Variants in PLA2G4C observed in about 807,000 individuals in gnomAD.
PLA2G4C encodes the protein cytosolic phospholipase A2 gamma.
PLA2G4C carries 64 observed loss-of-function variants against 73.8 expected under a neutral mutation model. The ratio of observed to expected loss-of-function variants is 0.87; its 90% CI spans 0.71 to 1.07. PLA2G4C has a LOEUF of 1.07. PLA2G4C is among the 50% of genes least tolerant of loss of function. PLA2G4C has a pLI of 0.00. For synonymous variants in PLA2G4C, 254 were observed against 252.1 expected, an observed-to-expected ratio of 1.01 and a Z score of -0.07; for missense variants, 622 against 665.4, an observed-to-expected ratio of 0.93 and a Z score of 0.72.
chr19:48,083,691 C>T (rs1288678077), intron 10 of PLA2G4C, among the ~76,000 whole-genome samples: 2 of 151,998 alleles, frequency 1.3e-5, no homozygotes, highest in Non-Finnish European at 2.9e-5. Flanking sequence ...AGGTGATCTG[C>T]CCACCTCAGC....
At position 48,085,079 on chromosome 19, in the gene PLA2G4C, C is replaced by T. The variant is rs1202314237; in HGVS notation, c.824G>A (p.Ser275Asn). ...LWRRAVANAK[S>N]IGHLIFARLL... is the part of the protein sequence containing the mutation. ...CTCACCAAAAATAAGGTGTCCAATG[C>T]TTTTAGCATTAGCAACAGCCCTTCT... is the stretch of plus-strand genomic sequence containing the variant. Residue 275 changes from serine to asparagine, a missense_variant, in exon 10 of 17, where the codon AGC becomes AAC. Physicochemically the swap from Ser to Asn is conservative, Grantham distance 46. Transcript: ENST00000599921. 4.3e-6 allele frequency: 7 copies of T among 1,612,318 alleles called. No individual in the cohort carries two copies. Among genetic ancestry groups the T allele is most frequent in the African/African-American group, 4.0e-5 (3 of 74,886 alleles).
chr19:48,058,001 C>CA (rs5828331), intron 14 of PLA2G4C, among the ~76,000 whole-genome samples: 23 of 149,440 alleles, frequency 1.5e-4, no homozygotes, highest in South Asian at 1.3e-3. Flanking sequence ...CCCAGCTAAT[C>CA]AAAAAAAATT....
Position 48,098,195 on chromosome 19 carries a change from A to G in PLA2G4C, c.512T>C (p.Ile171Thr). The change falls in exon 6 of 17, where the codon ATA (isoleucine) becomes ACA (threonine). Residue 171 changes from isoleucine to threonine, a missense_variant. Transcript: ENST00000599921. ...CAGGTCATTGTCAATGGCTGCAAAT[A>G]TTGGGTAGGGTAGTGTCCCTTCTTC... Reference protein sequence around the residue: ...PVEEGTLPYPIFAAIDNDLQP... With the variant: ...PVEEGTLPYPTFAAIDNDLQP... 1.2e-6 allele frequency: 2 copies of G among 1,613,844 alleles called. No individual in the cohort carries two copies. Among genetic ancestry groups the G allele is most frequent in the Non-Finnish European group, 1.7e-6 (2 of 1,179,888 alleles).
chr19:48,065,590 AAAAT>A lies in PLA2G4C; in HGVS notation c.1102+2197_1102+2200del, dbSNP rs907113389. 1.4e-3 allele frequency among the ~76,000 whole-genome samples: 206 copies of A among 151,982 alleles called. 1 individual carries two copies. Among genetic ancestry groups the A allele is most frequent in the African/African-American group, 4.5e-3 (188 of 41,486 alleles). ...GGGTGACAGAGCGAGACTCCATCGC[AAAAT>A]AAATAAATAAATAAATAAAAATAAT... On this transcript the variant is annotated intron_variant, in intron 13 of 16. Transcript: ENST00000599921.
chr19:48,052,540 C>T (rs1462517511), intron 16 of PLA2G4C, among the ~76,000 whole-genome samples: 3 of 152,052 alleles, frequency 2.0e-5, no homozygotes, highest in Non-Finnish European at 4.4e-5. Flanking sequence ...GTTAAGCCTT[C>T]GGAACTGTGA....
In PLA2G4C at chr19:48,105,941, CCCTCCCTT is replaced by C. The variant is rs1349362734; in HGVS notation, c.9-505_9-498del. On this transcript the variant is annotated intron_variant, in intron 2 of 16. Coordinates refer to ENST00000599921, the MANE Select transcript of PLA2G4C (RefSeq NM_003706.3). ...TCCCTCCCTCCCTCCCTCCCTCCCTCCCTCCCTTCTTTCTTTCTTTCTTTCTTTCTTTC... is the reference window on the plus strand; with the variant it reads ...TCCCTCCCTCCCTCCCTCCCTCCCTCCTTTCTTTCTTTCTTTCTTTCTTTC... 1.5e-3 allele frequency among the ~76,000 whole-genome samples: 15 copies of C among 9,904 alleles called. 2 individuals are homozygous for C. Among genetic ancestry groups the C allele is most frequent in the South Asian group, 0.01 (2 of 200 alleles). 6.5% of individuals were successfully genotyped at this position (9,904 alleles called of 152,430 possible).
In PLA2G4C at chr19:48,068,818, G is replaced by A. The variant is rs111504748; in HGVS notation, c.1007-932C>T. 1.9e-4 allele frequency among the ~76,000 whole-genome samples: 29 copies of A among 151,970 alleles called. 1 individual carries two copies. Among genetic ancestry groups the A allele is most frequent in the Middle Eastern group, 3.4e-3 (1 of 292 alleles). ...AGGAAAGGCTGGGCTGAGAGGATGC[G>A]GTGAGAAGGCGGCCATCCCTCTGCA... On this transcript the variant is annotated intron_variant, in intron 12 of 16. Coordinates refer to ENST00000599921, the MANE Select transcript of PLA2G4C (RefSeq NM_003706.3).
chr19:48,054,966 G>A lies in PLA2G4C; in HGVS notation c.1341C>T (p.Ser447=), dbSNP rs1568421268. 1 of 1,613,770 alleles carries A rather than the reference G, an allele frequency of 6.2e-7. No homozygotes were observed. Among genetic ancestry groups the A allele is most frequent in the African/African-American group, 1.3e-5 (1 of 74,914 alleles). ...GGATGTAGCAGCTGGCGGGGGCCTT[G>A]GACCACAAATCCAGCTCAGCCTCTT... ...QVEEAELDLW[S]KAPASCYILK... is the part of the protein sequence containing the mutation. The change falls in exon 15 of 17, where the codon TCC becomes TCT. Residue 447 remains serine (S), a synonymous_variant. Coordinates refer to ENST00000599921, the MANE Select transcript of PLA2G4C (RefSeq NM_003706.3).
At chr19:48,086,037 C>T (rs754754916) in intron 9 of PLA2G4C, among the ~76,000 whole-genome samples, 5 of 152,206 alleles carry the variant, frequency 3.3e-5, no homozygotes, top group Non-Finnish European at 7.3e-5. Flanking sequence ...AAGAAGCCCC[C>T]AGCTGGGTTT....
intron 6 of PLA2G4C, among the ~76,000 whole-genome samples, chr19:48,097,405 G>A (rs1335757321): frequency 6.7e-4 from 100 of 149,884 alleles, no homozygotes; most frequent in East Asian, 3.7e-3. Flanking sequence ...GGCGCCCGCC[G>A]CCACGCCCAG....
In PLA2G4C at chr19:48,088,599, T is replaced by C. The variant is rs2031114823; in HGVS notation, c.790+87A>G. On this transcript the variant is annotated intron_variant, in intron 9 of 16. Coordinates refer to ENST00000599921, the MANE Select transcript of PLA2G4C (RefSeq NM_003706.3). ...AAATGGGCACCAAATGAATCATACATGTAATGTTCCTAGGACAATGGCTGG... is the reference window on the plus strand; with the variant it reads ...AAATGGGCACCAAATGAATCATACACGTAATGTTCCTAGGACAATGGCTGG... 4.5e-6 allele frequency: 4 copies of C among 892,250 alleles called. No individual in the cohort carries two copies. The East Asian group carries it at 9.6e-5, about 22-fold the overall frequency. The allele number at this position is 892,250 out of a possible 1,614,324, so 55.3% of individuals were successfully genotyped here.
chr19:48,095,725 G>A, intron 6 of PLA2G4C, 121 bp from the exon 7 acceptor site: 1 of 1,051,330 alleles, frequency 9.5e-7, no homozygotes, highest in South Asian at 1.4e-5. Context: ...GTTAGAGATG[G>A]ACTGTGTGGT....
rs776391226 is a variant in PLA2G4C, at chr19:48,054,968, A to T, written c.1339T>A (p.Ser447Thr). 8 of 1,613,730 alleles carry T rather than the reference A, an allele frequency of 5.0e-6. No individual in the cohort carries two copies. The highest frequency in any genetic ancestry group is 6.8e-6 in the Non-Finnish European group (8 of 1,179,964). The change falls in exon 15 of 17, where the codon TCC becomes ACC. Residue 447 changes from serine (S) to threonine (T), a missense_variant. Transcript: ENST00000599921. ...ATGTAGCAGCTGGCGGGGGCCTTGG[A>T]CCACAAATCCAGCTCAGCCTCTTCT... ...QVEEAELDLW[S>T]KAPASCYILK...
chr19:48,105,110 AAAAG>A (rs2032109268), intron 3 of PLA2G4C, among the ~76,000 whole-genome samples: 1 of 140,668 alleles, frequency 7.1e-6, no homozygotes, highest in African/African-American at 3.1e-5. Flanking sequence ...AAAAAGAAAG[AAAAG>A]AAAAGAAAAA....
In PLA2G4C at chr19:48,074,798, C is replaced by A. The variant is rs201753652; in HGVS notation, c.975G>T (p.Gln325His). 7 of 1,613,778 alleles carry A rather than the reference C, an allele frequency of 4.3e-6. No homozygotes were observed. The highest frequency in any genetic ancestry group is 5.9e-6 in the Non-Finnish European group (7 of 1,179,744). The change falls in exon 12 of 17, where the codon CAG (glutamine) becomes CAT (histidine). Residue 325 changes from glutamine to histidine, a missense_variant. By Grantham distance (24) the Gln-to-His change is conservative (BLOSUM62 0). Transcript: ENST00000599921. Reference protein sequence around the residue: ...ENWTRTSLEKQEQPHEDPERK... With the variant: ...ENWTRTSLEKHEQPHEDPERK... ...TTTCGGGGTCCTCATGGGGCTGCTC[C>A]TGCTTTTCCAGGGAGGTCCTGGTCC...
chr19:48,050,036 C>A (rs986640310), intron 16 of PLA2G4C, among the ~76,000 whole-genome samples: 1 of 152,164 alleles, frequency 6.6e-6, no homozygotes, highest in African/African-American at 2.4e-5. Flanking sequence ...ATTCTCCTGC[C>A]TCAGCCTCCC....
At chr19:48,107,161 T>A (rs1017797326) in intron 1 of PLA2G4C, among the ~76,000 whole-genome samples, 4 of 151,388 alleles carry the variant, frequency 2.6e-5, no homozygotes, top group Admixed American at 2.0e-4. Flanking sequence ...TAGGGTTTTT[T>A]AAGGAAACTT....
In PLA2G4C at chr19:48,110,567, C is replaced by T. The variant is rs2032458810; in HGVS notation, c.-113G>A. ...CCGGTGCGGAGGCTTGGGCTCCCTG[C>T]GCTTAGCGGTGTAGTCGCTGGACAG... On this transcript the variant is annotated 5_prime_UTR_variant, in exon 1 of 17. Transcript: ENST00000599921. 9 of 375,944 alleles carry T rather than the reference C, an allele frequency of 2.4e-5. No individual in the cohort carries two copies. Among genetic ancestry groups the T allele is most frequent in the East Asian group, 2.8e-4 (1 of 3,610 alleles). 23.3% of individuals were successfully genotyped at this position (375,944 alleles called of 1,614,324 possible).
intron 15 of PLA2G4C, among the ~76,000 whole-genome samples, chr19:48,053,364 CTTTTTTTT>C (rs1174332835): frequency 9.9e-6 from 1 of 100,624 alleles, no homozygotes; most frequent in Non-Finnish European, 2.0e-5. Flanking sequence ...GTCCTTTTTT[CTTTTTTTT>C]TTTTTTTTTT....
Sources: allele counts gnomAD v4.1 joint callset (sites outside exome capture counted in the v4.1 genomes callset), GRCh38; gene constraint gnomAD v4.1.1; transcripts MANE v1.5; gene names NCBI Gene and HGNC (gene_info 2026-07-23, HGNC 2026-07-21).